Variants in OXR1 observed in about 807,000 individuals in gnomAD.
OXR1 encodes the protein oxidation resistance protein 1.
In OXR1, 41 loss-of-function variants were observed where a neutral mutation model predicts 104.6. The observed-to-expected ratio is 0.39, with a 90% CI of 0.31 to 0.51. The LOEUF is 0.51. Among genes scored for constraint, OXR1 ranks in the 20% least tolerant of loss-of-function variants. OXR1 has a pLI of 0.77. For synonymous variants in OXR1, 348 were observed against 348.4 expected, an observed-to-expected ratio of 1.00 and a Z score of 0.01; for missense variants, 955 against 1,031.9, an observed-to-expected ratio of 0.93 and a Z score of 1.02.
intron 3 of OXR1, among the ~76,000 whole-genome samples, chr8:106,674,841 T>C (rs1260166405): frequency 6.6e-6 from 1 of 152,110 alleles, no homozygotes; most frequent in East Asian, 1.9e-4. Flanking sequence ...GTGAAAAAGG[T>C]GCCTGGTTCC....
Position 106,539,290 on chromosome 8 carries a change from T to C in OXR1, c.220+20151T>C, listed in dbSNP as rs1814776897. Among the ~76,000 whole-genome samples the C allele has an allele frequency of 4.6e-5, 7 of 152,356 alleles. No homozygotes were observed. The South Asian group carries it at 1.2e-3, about 27-fold the overall frequency. On this transcript the variant is annotated intron_variant, in intron 3 of 16. Coordinates refer to ENST00000517566, the MANE Select transcript of OXR1 (RefSeq NM_001198533.2). The stretch of plus-strand genomic sequence containing the variant: ...GCCGTAATTTTACTTCTCATGTGTA[T>C]ATCTAAACAGTATTTTGTAATCAAT...
intron 1 of OXR1, among the ~76,000 whole-genome samples, chr8:106,303,493 C>G (rs888504319): frequency 2.0e-5 from 3 of 151,866 alleles, no homozygotes; most frequent in Non-Finnish European, 4.4e-5. Flanking sequence ...CCGCCTTGGC[C>G]TCCCAAAGTG....
At chr8:106,426,388 C>T (rs183477944) in intron 2 of OXR1, among the ~76,000 whole-genome samples, 113 of 151,934 alleles carry the variant, frequency 7.4e-4, no homozygotes, top group Middle Eastern at 6.8e-3. Context: ...AGATCATAAC[C>T]GAATCTATAG....
At chr8:106,652,328 A>G (rs1237773912) in intron 3 of OXR1, among the ~76,000 whole-genome samples, 1 of 152,102 alleles carries the variant, frequency 6.6e-6, no homozygotes, top group Non-Finnish European at 1.5e-5. Context: ...AGGCCTTAAA[A>G]ATGAAGGAAA....
chr8:106,316,940 G>A (rs953579080), intron 1 of OXR1, among the ~76,000 whole-genome samples: 1 of 151,850 alleles, frequency 6.6e-6, no homozygotes, highest in African/African-American at 2.4e-5. Flanking sequence ...ACGCAATCTC[G>A]GCTCACTGAA....
chr8:106,398,981 C>T (rs895561328), intron 2 of OXR1, among the ~76,000 whole-genome samples: 27 of 152,122 alleles, frequency 1.8e-4, no homozygotes, highest in African/African-American at 6.5e-4. Context: ...CCCTCCCCAA[C>T]AAAGTCATCT....
chr8:106,443,420 A>C (rs905298485), intron 2 of OXR1, among the ~76,000 whole-genome samples: 1 of 152,104 alleles, frequency 6.6e-6, no homozygotes, highest in Non-Finnish European at 1.5e-5. Context: ...GATGTCTACT[A>C]AGTCTACTTG....
intron 11 of OXR1, among the ~76,000 whole-genome samples, chr8:106,724,228 A>G (rs1045043096): frequency 1.3e-5 from 2 of 152,242 alleles, no homozygotes; most frequent in Non-Finnish European, 2.9e-5. Flanking sequence ...TATCTGAATT[A>G]TGAGAACAGA....
intron 3 of OXR1, among the ~76,000 whole-genome samples, chr8:106,553,573 G>A (rs1251856153): frequency 6.6e-6 from 1 of 152,034 alleles, no homozygotes; most frequent in Non-Finnish European, 1.5e-5. Context: ...ACCTGCCTCG[G>A]TCTCCAAAAG....
intron 2 of OXR1, among the ~76,000 whole-genome samples, chr8:106,381,025 T>G (rs1817126466): frequency 6.6e-6 from 1 of 152,176 alleles, no homozygotes; most frequent in Non-Finnish European, 1.5e-5. Flanking sequence ...CAACACCAAA[T>G]CTACCTATTA....
chr8:106,456,193 T>C (rs2130632485), intron 2 of OXR1, among the ~76,000 whole-genome samples: 1 of 152,304 alleles, frequency 6.6e-6, no homozygotes, highest in East Asian at 1.9e-4. Context: ...TGAGTCACCA[T>C]AGGTCACCCA....
chr8:106,447,506 C>A (rs948548980), intron 2 of OXR1, among the ~76,000 whole-genome samples: 5 of 152,278 alleles, frequency 3.3e-5, no homozygotes, highest in South Asian at 2.1e-4. Context: ...GATGGAAATA[C>A]GAATAGCACC....
intron 1 of OXR1, among the ~76,000 whole-genome samples, chr8:106,278,980 CTT>C (rs1812172829): frequency 6.6e-6 from 1 of 152,098 alleles, no homozygotes; most frequent in South Asian, 2.1e-4. Context: ...GGGGGAGATA[CTT>C]TAGCACAATG....
intron 2 of OXR1, among the ~76,000 whole-genome samples, chr8:106,387,551 A>C (rs1007242802): frequency 4.6e-5 from 7 of 152,252 alleles, no homozygotes; most frequent in African/African-American, 1.7e-4. Flanking sequence ...TTGCTTATAA[A>C]TCTTTATAAA....
intron 2 of OXR1, among the ~76,000 whole-genome samples, chr8:106,437,775 A>G (rs74731854): frequency 0.016 from 2,455 of 152,278 alleles, 70 homozygotes; most frequent in African/African-American, 0.056. Context: ...TAGCCAATAA[A>G]GCAAAACTCA....
At chr8:106,320,834 G>A (rs1418811557) in intron 1 of OXR1, among the ~76,000 whole-genome samples, 1 of 152,030 alleles carries the variant, frequency 6.6e-6, no homozygotes, top group Non-Finnish European at 1.5e-5. Flanking sequence ...ACCATGCCTA[G>A]CTAATTTTTG....
At chr8:106,500,386 G>T (rs188343557) in intron 2 of OXR1, among the ~76,000 whole-genome samples, 2 of 152,162 alleles carry the variant, frequency 1.3e-5, no homozygotes, top group Non-Finnish European at 2.9e-5. Context: ...TCCAGACATC[G>T]TATAGAAGAA....
intron 16 of OXR1, among the ~76,000 whole-genome samples, chr8:106,749,274 C>T (rs530708745): frequency 2.3e-4 from 34 of 149,948 alleles, no homozygotes; most frequent in African/African-American, 7.9e-4. Flanking sequence ...ACCCAGGAGG[C>T]GGAGCTTGCA....
intron 2 of OXR1, among the ~76,000 whole-genome samples, chr8:106,379,616 C>T (rs1318750001): frequency 6.9e-6 from 1 of 144,342 alleles, no homozygotes; most frequent in Non-Finnish European, 1.5e-5. Context: ...TCAGACACTG[C>T]AACCTCCGCC....
Sources: allele counts gnomAD v4.1 joint callset (sites outside exome capture counted in the v4.1 genomes callset), GRCh38; gene constraint gnomAD v4.1.1; transcripts MANE v1.5; gene names NCBI Gene and HGNC (gene_info 2026-07-23, HGNC 2026-07-21).